Variants in FTO observed in about 807,000 individuals in gnomAD.
FTO encodes the protein FTO alpha-ketoglutarate dependent dioxygenase.
FTO carries 47 observed loss-of-function variants against 63.9 expected under a neutral mutation model. The observed-to-expected ratio is 0.74, with a 90% CI of 0.58 to 0.94. The LOEUF (loss-of-function observed/expected upper bound fraction) is 0.94. Among genes scored for constraint, FTO ranks in the 40% least tolerant of loss-of-function variants. FTO has a pLI of 0.00. For synonymous variants in FTO, 207 were observed against 224.4 expected (o/e 0.92, Z 0.69); for missense variants, 562 against 618.1 (o/e 0.91, Z 0.96).
chr16:53,840,734 T>C (rs2079450405), intron 3 of FTO, among the ~76,000 whole-genome samples: 1 of 152,130 alleles, frequency 6.6e-6, no homozygotes. Context: ...TTTGCTGTGG[T>C]TAGGCAGGTA....
chr16:54,098,548 C>T lies in FTO; in HGVS notation c.1365-13214C>T, dbSNP rs143317828. 6.8e-3 allele frequency among the ~76,000 whole-genome samples: 1,039 copies of T among 152,316 alleles called. 5 individuals carry two copies. Among genetic ancestry groups the T allele is most frequent in the Non-Finnish European group, 0.011 (735 of 68,020 alleles). On this transcript the variant is annotated intron_variant, in intron 8 of 8. Coordinates refer to ENST00000471389, the MANE Select transcript of FTO (RefSeq NM_001080432.3). ...AATGAGCATTCCAAAGTCAGAACAG[C>T]TGGCCTTTTATTCTGTAAGCCATTG...
intron 4 of FTO, among the ~76,000 whole-genome samples, chr16:53,862,702 A>G (rs1567373168): frequency 6.8e-6 from 1 of 147,450 alleles, no homozygotes; most frequent in Non-Finnish European, 1.5e-5. Context: ...CACCCAGCTA[A>G]TTTTTTTTTT....
In FTO at chr16:54,003,637, A is replaced by G. The variant is rs1162515542; in HGVS notation, c.1364+69528A>G. 2.6e-5 allele frequency among the ~76,000 whole-genome samples: 4 copies of G among 152,174 alleles called. No individual in the cohort carries two copies. In the South Asian group the frequency reaches 8.3e-4, roughly 32 times the overall value. ...TCCAAAAGCTCTGGAATTACAGGCA[A>G]GAGCCACTGTGCCCAACCTCCCCAT... is the stretch of plus-strand genomic sequence containing the variant. On this transcript the variant is annotated intron_variant, in intron 8 of 8. Coordinates refer to ENST00000471389, the MANE Select transcript of FTO (RefSeq NM_001080432.3).
intron 7 of FTO, among the ~76,000 whole-genome samples, chr16:53,917,709 A>AGT (rs35549801): frequency 0.37 from 52,922 of 142,936 alleles, 9,739 homozygotes; most frequent in Middle Eastern, 0.52. Flanking sequence ...AAATTGAGTG[A>AGT]GTGTGTGTGT....
chr16:53,907,076 C>T (rs73609311), intron 7 of FTO, among the ~76,000 whole-genome samples: 3 of 152,340 alleles, frequency 2.0e-5, no homozygotes, highest in Admixed American at 2.0e-4. Context: ...TCATACTCCT[C>T]TCTGTGTAAA....
At chr16:53,774,323 T>C (rs2077412633) in intron 1 of FTO, among the ~76,000 whole-genome samples, 1 of 152,164 alleles carries the variant, frequency 6.6e-6, no homozygotes, top group African/African-American at 2.4e-5. Context: ...TACCTTTGCT[T>C]ATATTCAAAG....
rs139038199 is a variant in FTO, at chr16:53,772,750, G to A, written c.46-37390G>A. Reference sequence around the variant, plus strand: ...TACATTAGAAATCATCAGCTTGGAAGCAGTCTCCATGGGAAAAGTAATTTT... The same window carrying A: ...TACATTAGAAATCATCAGCTTGGAAACAGTCTCCATGGGAAAAGTAATTTT... On this transcript the variant is annotated intron_variant, in intron 1 of 8. Coordinates refer to ENST00000471389, the MANE Select transcript of FTO (RefSeq NM_001080432.3). Among the ~76,000 whole-genome samples the A allele has an allele frequency of 1.6e-3, 240 of 152,232 alleles. 1 individual carries two copies. In the East Asian group the frequency reaches 0.03, roughly 19 times the overall value.
intron 1 of FTO, among the ~76,000 whole-genome samples, chr16:53,761,818 G>A (rs781481322): frequency 1.1e-4 from 17 of 151,990 alleles, no homozygotes; most frequent in Non-Finnish European, 1.9e-4. Context: ...ATTACCTTAC[G>A]GCTCCTTATG....
chr16:53,883,621 T>TAA, intron 6 of FTO, among the ~76,000 whole-genome samples: 1 of 30,012 alleles, frequency 3.3e-5, no homozygotes, highest in East Asian at 3.4e-3. Context: ...AAACTCTATC[T>TAA]CAAAAAAAAA....
At chr16:54,080,494 C>T (rs143939842) in intron 8 of FTO, among the ~76,000 whole-genome samples, 214 of 152,264 alleles carry the variant, frequency 1.4e-3, no homozygotes, top group African/African-American at 4.6e-3. Context: ...AATTTTCCCA[C>T]GTTCAGTTGT....
At chr16:53,802,775 C>T (rs2078260135) in intron 1 of FTO, among the ~76,000 whole-genome samples, 1 of 151,958 alleles carries the variant, frequency 6.6e-6, no homozygotes, top group African/African-American at 2.4e-5. Flanking sequence ...GGATAATTTG[C>T]CTTGCTGTGT....
At chr16:54,077,918 G>C (rs1180755415) in intron 8 of FTO, among the ~76,000 whole-genome samples, 3 of 152,082 alleles carry the variant, frequency 2.0e-5, no homozygotes, top group Non-Finnish European at 4.4e-5. Flanking sequence ...GTAGAAATCT[G>C]GTTAAGAGGT....
At chr16:54,006,231 C>T (rs564513973) in intron 8 of FTO, among the ~76,000 whole-genome samples, 18 of 152,332 alleles carry the variant, frequency 1.2e-4, no homozygotes, top group African/African-American at 4.3e-4. Context: ...CTCCCTTCTC[C>T]CCTTATTTCA....
At chr16:54,006,154 A>C (rs1222284345) in intron 8 of FTO, among the ~76,000 whole-genome samples, 2 of 152,224 alleles carry the variant, frequency 1.3e-5, no homozygotes, top group East Asian at 3.8e-4. Context: ...ATTCCAATTA[A>C]CAGAGAAGTA....
At chr16:53,851,164 A>G (rs1598823604) in intron 4 of FTO, among the ~76,000 whole-genome samples, 1 of 151,882 alleles carries the variant, frequency 6.6e-6, no homozygotes, top group Non-Finnish European at 1.5e-5. Flanking sequence ...GTAGGAAAAA[A>G]TGGCTGGGTG....
At chr16:53,707,113 A>C (rs999811439) in intron 1 of FTO, among the ~76,000 whole-genome samples, 3 of 152,222 alleles carry the variant, frequency 2.0e-5, no homozygotes, top group African/African-American at 4.8e-5. Context: ...TTGGTGGCTT[A>C]AAACAACAGA....
At chr16:53,748,717 T>G (rs2076708274) in intron 1 of FTO, among the ~76,000 whole-genome samples, 1 of 151,994 alleles carries the variant, frequency 6.6e-6, no homozygotes, top group African/African-American at 2.4e-5. Flanking sequence ...TGGCTGGGAT[T>G]ACAGGTGTGA....
rs779082340 is a variant in FTO at position 53,933,940 on chromosome 16, T to G, written c.1240-45T>G. Reference sequence around the variant, plus strand: ...TTGCTTATGGGCTTTTTTTTATTATTAATTTTTCACTTTTTCTTTCTCTGT... The same window carrying G: ...TTGCTTATGGGCTTTTTTTTATTATGAATTTTTCACTTTTTCTTTCTCTGT... On this transcript the variant is annotated intron_variant, in intron 7 of 8. Transcript: ENST00000471389. 5 of 1,595,754 alleles carry G rather than the reference T, an allele frequency of 3.1e-6. No individual in the cohort carries two copies. The African/African-American group carries it at 4.0e-5, about 13-fold the overall frequency.
intron 5 of FTO, among the ~76,000 whole-genome samples, chr16:53,874,689 T>C (rs1483032656): frequency 6.6e-6 from 1 of 152,198 alleles, no homozygotes; most frequent in Non-Finnish European, 1.5e-5. Context: ...CGTGAGTCTA[T>C]ACGGCAGTGT....
Sources: allele counts gnomAD v4.1 joint callset (sites outside exome capture counted in the v4.1 genomes callset), GRCh38; gene constraint gnomAD v4.1.1; transcripts MANE v1.5; gene names NCBI Gene and HGNC (gene_info 2026-07-23, HGNC 2026-07-21).